The following DST variants were observed in gnomAD, a reference collection of about 807,000 sequenced individuals.
DST encodes the protein bullous pemphigoid antigen.
In DST, 253 loss-of-function variants were observed where a neutral mutation model predicts 875.2. The observed-to-expected ratio is 0.29, with a 90% CI of 0.26 to 0.32. The LOEUF (loss-of-function observed/expected upper bound fraction) is 0.32, where lower values mean the gene tolerates loss of function less well. Ranked by LOEUF, DST falls within the 10% of genes least tolerant of loss-of-function variation. DST has a pLI of 1.00. For missense variants in DST, 8,287 were observed against 9,111.6 expected, an observed-to-expected ratio of 0.91 and a Z score of 3.68; for synonymous variants, 3,124 against 3,197.1, an observed-to-expected ratio of 0.98 and a Z score of 0.77.
At chr6:56,919,059 T>A (rs56030203) in intron 2 of DST, among the ~76,000 whole-genome samples, 24,586 of 152,104 alleles carry the variant, frequency 0.16, 2,174 homozygotes, top group Middle Eastern at 0.24. Flanking sequence ...CTCATTTTTG[T>A]ACAACTTATA....
intron 49 of DST, among the ~76,000 whole-genome samples, chr6:56,583,281 C>G (rs867699056): frequency 2.6e-5 from 4 of 152,134 alleles, no homozygotes; most frequent in African/African-American, 4.8e-5. Flanking sequence ...TTTTAATGAT[C>G]GCCATTCTCA....
At chr6:56,897,334 T>G (rs1327818326) in intron 3 of DST, among the ~76,000 whole-genome samples, 1 of 151,870 alleles carries the variant, frequency 6.6e-6, no homozygotes, top group Non-Finnish European at 1.5e-5. Context: ...ATTTATTTAT[T>G]TATTTATTTA....
At chr6:56,475,454 T>C (rs1048734877) in intron 92 of DST, among the ~76,000 whole-genome samples, 1 of 149,778 alleles carries the variant, frequency 6.7e-6, no homozygotes, top group African/African-American at 2.5e-5. Context: ...GCAACATTAA[T>C]TGCTTAACCA....
chr6:56,877,019 T>A (rs1177978691), intron 3 of DST, among the ~76,000 whole-genome samples: 1 of 152,214 alleles, frequency 6.6e-6, no homozygotes, highest in Non-Finnish European at 1.5e-5. Flanking sequence ...TCCCCATTCA[T>A]TTTTAAATTG....
At chr6:56,494,205 T>C (rs1024447401) in intron 82 of DST, 25 bp from the exon 83 acceptor site, 1 of 1,574,486 alleles carries the variant, frequency 6.4e-7, no homozygotes, top group Non-Finnish European at 8.6e-7. Flanking sequence ...CCTCAAGTTA[T>C]ATCACTTTAA....
At chr6:56,682,084 C>T (rs997529932) in intron 9 of DST, among the ~76,000 whole-genome samples, 25 of 152,210 alleles carry the variant, frequency 1.6e-4, no homozygotes, top group African/African-American at 6.0e-4. Context: ...GGGAGGTCAA[C>T]ATGCCTACAT....
intron 3 of DST, chr6:56,864,007 G>C (rs1772704317): frequency 6.6e-6 from 1 of 152,228 alleles, no homozygotes; most frequent in Admixed American, 6.5e-5. Context: ...GATCAGTCTA[G>C]ATGTTGTGAA....
chr6:56,924,798 CAT>C (rs556449311), intron 2 of DST, among the ~76,000 whole-genome samples: 16 of 152,060 alleles, frequency 1.1e-4, no homozygotes, highest in South Asian at 4.1e-4. Flanking sequence ...AAATAAGTGA[CAT>C]ATGTGTTTGA....
At chr6:56,658,454 G>T (rs1237676997) in intron 10 of DST, among the ~76,000 whole-genome samples, 1 of 152,174 alleles carries the variant, frequency 6.6e-6, no homozygotes, top group Non-Finnish European at 1.5e-5. Flanking sequence ...ATGAGTATGG[G>T]AGGGGGGACA....
intron 9 of DST, chr6:56,693,228 C>G: frequency 1.3e-5 from 16 of 1,205,038 alleles, no homozygotes; most frequent in Non-Finnish European, 1.6e-5. Context: ...TCCATTAAGT[C>G]TGAAAATTCC....
At chr6:56,899,883 C>T (rs917735539) in intron 3 of DST, among the ~76,000 whole-genome samples, 5 of 152,172 alleles carry the variant, frequency 3.3e-5, no homozygotes, top group Non-Finnish European at 4.4e-5. Flanking sequence ...GACAATGGTG[C>T]TGCCTTATAA....
intron 4 of DST, among the ~76,000 whole-genome samples, chr6:56,787,186 A>AT (rs1347703093): frequency 6.6e-6 from 1 of 152,212 alleles, no homozygotes; most frequent in Non-Finnish European, 1.5e-5. Flanking sequence ...GGGAATGGGA[A>AT]TTCTTAAGCT....
At chr6:56,666,103 T>C (rs2099070832) in intron 10 of DST, among the ~76,000 whole-genome samples, 1 of 152,176 alleles carries the variant, frequency 6.6e-6, no homozygotes, top group Non-Finnish European at 1.5e-5. Context: ...TCAAGAAACA[T>C]GACAATTAGA....
intron 85 of DST, among the ~76,000 whole-genome samples, chr6:56,491,452 TAG>T (rs2095738067): frequency 6.6e-6 from 1 of 152,070 alleles, no homozygotes; most frequent in Admixed American, 6.6e-5. Flanking sequence ...TCAAGCGAGG[TAG>T]GTACACCTCT....
In DST at chr6:56,511,266, G is replaced by A. The variant is rs774660121; in HGVS notation, c.18711C>T (p.Tyr6237=). ...QEKYVAADTL[Y]SQIKEDVKKR... The stretch of plus-strand genomic sequence containing the variant: ...TTTTGACATCTTCTTTAATTTGACT[G>A]TAAAGGGTGTCGGCTGCCACATACT... The change falls in exon 73 of 104, where the codon TAC becomes TAT. Residue 6237 remains tyrosine (Y), a synonymous_variant. Coordinates refer to ENST00000680361, the MANE Select transcript of DST (RefSeq NM_001374736.1). 18 of 1,599,248 alleles carry A rather than the reference G, an allele frequency of 1.1e-5. No individual in the cohort carries two copies. The African/African-American group carries it at 2.3e-4, about 20-fold the overall frequency.
Position 56,500,401 on chromosome 6 carries a change from T to C in DST, c.19896+679A>G, listed in dbSNP as rs529260756. Among the ~76,000 whole-genome samples the C allele has an allele frequency of 9.7e-4, 147 of 152,256 alleles. 1 individual carries two copies. The highest frequency in any genetic ancestry group is 9.6e-3 in the Admixed American group (147 of 15,262). On this transcript the variant is annotated intron_variant, in intron 80 of 103. Coordinates refer to ENST00000680361, the MANE Select transcript of DST (RefSeq NM_001374736.1). ...TCACAAAGGTGACAACAATATAAGATTGCTTTGCATATATCTCTTAAGACA... is the reference window on the plus strand; with the variant it reads ...TCACAAAGGTGACAACAATATAAGACTGCTTTGCATATATCTCTTAAGACA...
At chr6:56,467,584 A>AG (rs2152388728) in intron 98 of DST, 1 of 152,296 alleles carries the variant, frequency 6.6e-6, no homozygotes, top group African/African-American at 2.4e-5. Context: ...AAGGGAAAGG[A>AG]GGGGATTTAA....
intron 47 of DST, among the ~76,000 whole-genome samples, chr6:56,596,803 T>G (rs1372653884): frequency 1.3e-5 from 2 of 152,220 alleles, no homozygotes. Context: ...TAAAAGTAGT[T>G]CTACAGAAGT....
chr6:56,497,253 C>T, intron 82 of DST, 126 bp downstream of exon 82: 1 of 1,074,558 alleles, frequency 9.3e-7, no homozygotes, highest in East Asian at 2.5e-5. Flanking sequence ...AACATGTATA[C>T]ACAGTGATTT....
Sources: allele counts gnomAD v4.1 joint callset (sites outside exome capture counted in the v4.1 genomes callset), GRCh38; gene constraint gnomAD v4.1.1; transcripts MANE v1.5; gene names NCBI Gene and HGNC (gene_info 2026-07-23, HGNC 2026-07-21).